The following OTOGL variants were observed in gnomAD, a reference collection of about 807,000 sequenced individuals.
OTOGL encodes otogelin-like protein.
OTOGL carries 285 observed loss-of-function variants against 318.5 expected under a neutral mutation model. The ratio of observed to expected loss-of-function variants is 0.89; its 90% CI spans 0.81 to 0.99. The LOEUF is 0.99. Ranked by LOEUF, OTOGL falls within the 50% of genes least tolerant of loss-of-function variation. OTOGL has a pLI of 0.00. For synonymous variants in OTOGL, 987 were observed against 936.5 expected, an observed-to-expected ratio of 1.05 and a Z score of -0.99; for missense variants, 2,899 against 2,845.6, an observed-to-expected ratio of 1.02 and a Z score of -0.43.
intron 1 of OTOGL, among the ~76,000 whole-genome samples, chr12:80,170,042 C>T (rs1874083562): frequency 6.6e-6 from 1 of 152,062 alleles, no homozygotes; most frequent in Non-Finnish European, 1.5e-5. Context: ...ATGAGTGGGT[C>T]ATATGGTAAG....
At chr12:80,113,267 T>C (rs1281820586) in intron 1 of OTOGL, among the ~76,000 whole-genome samples, 1 of 152,184 alleles carries the variant, frequency 6.6e-6, no homozygotes, top group Non-Finnish European at 1.5e-5. Context: ...TCTGCTCTGA[T>C]TTTAGTTATT....
At chr12:80,218,408 C>G (rs1239417138) in intron 5 of OTOGL, among the ~76,000 whole-genome samples, 1 of 152,146 alleles carries the variant, frequency 6.6e-6, no homozygotes, top group East Asian at 1.9e-4. Flanking sequence ...GGAGAGGAAT[C>G]ATAAAGGTTT....
chr12:80,242,040 A>G (rs1592594502), intron 11 of OTOGL, among the ~76,000 whole-genome samples: 1 of 152,232 alleles, frequency 6.6e-6, no homozygotes, highest in Admixed American at 6.5e-5. Flanking sequence ...ACATGGCCAC[A>G]CCTAGGTGCA....
intron 37 of OTOGL, 43 bp downstream of exon 37, chr12:80,329,162 T>G (rs770330991): frequency 1.5e-6 from 2 of 1,366,814 alleles, no homozygotes; most frequent in Non-Finnish European, 9.7e-7. Context: ...ACTATGTAGT[T>G]TAAGTGTTGG....
intron 35 of OTOGL, among the ~76,000 whole-genome samples, chr12:80,327,276 G>A (rs1887734156): frequency 6.6e-6 from 1 of 152,064 alleles, no homozygotes; most frequent in Admixed American, 6.6e-5. Flanking sequence ...CCACAACATG[G>A]CCTCTTGAAA....
At chr12:80,183,626 T>C (rs1333277853) in intron 1 of OTOGL, among the ~76,000 whole-genome samples, 1 of 152,220 alleles carries the variant, frequency 6.6e-6, no homozygotes, top group Non-Finnish European at 1.5e-5. Context: ...GACTTCATAG[T>C]CACCAACACA....
intron 1 of OTOGL, among the ~76,000 whole-genome samples, chr12:80,145,187 T>C (rs1872258498): frequency 6.6e-6 from 1 of 150,916 alleles, no homozygotes; most frequent in Non-Finnish European, 1.5e-5. Flanking sequence ...TTTATGGTTT[T>C]AGGTCTAACG....
Position 80,255,106 on chromosome 12 carries a change from G to C in OTOGL, c.1508G>C (p.Gly503Ala). 1 of 1,524,026 alleles carries C rather than the reference G, an allele frequency of 6.6e-7. No homozygotes were observed. Among genetic ancestry groups the C allele is most frequent in the Admixed American group, 2.2e-5 (1 of 44,742 alleles). 94.4% of individuals were successfully genotyped at this position (1,524,026 alleles called of 1,614,324 possible). Residue 503 changes from glycine to alanine, a missense_variant, in exon 16 of 59, where the codon GGC (glycine) becomes GCC (alanine). By Grantham distance (60) the Gly-to-Ala change is moderately conservative. Around this residue, in one of 3 missense-constraint regions of OTOGL, gnomAD observed 2,607 missense variants for 2,524.9 expected, o/e 1.03. Transcript: ENST00000547103. ...GATGGTCGACATTATTCTTTTATTG[G>C]CATGTGCCAATACATCCTCGTGAAA... ...TFDGRHYSFIGMCQYILVKGT... is the reference protein window; with the variant it reads ...TFDGRHYSFIAMCQYILVKGT...
chr12:80,259,108 TAAA>T (rs927563931), intron 18 of OTOGL, among the ~76,000 whole-genome samples: 1 of 151,384 alleles, frequency 6.6e-6, no homozygotes, highest in Non-Finnish European at 1.5e-5. Flanking sequence ...ATTTTAAAAA[TAAA>T]AAATGAATAT....
chr12:80,228,009 A>G lies in OTOGL; in HGVS notation c.490-1248A>G, dbSNP rs192039881. Reference sequence around the variant, plus strand: ...CCTCTAATAGAATACAAGTTTCATGAGGGCAGATAGTTTTGTCCGCTCTGT... The same window carrying G: ...CCTCTAATAGAATACAAGTTTCATGGGGGCAGATAGTTTTGTCCGCTCTGT... On this transcript the variant is annotated intron_variant, in intron 7 of 58. Transcript: ENST00000547103. Among the ~76,000 whole-genome samples the G allele has an allele frequency of 1.4e-3, 215 of 152,304 alleles. 2 individuals are homozygous for G. Among genetic ancestry groups the G allele is most frequent in the Non-Finnish European group, 5.9e-4 (40 of 68,034 alleles).
intron 1 of OTOGL, among the ~76,000 whole-genome samples, chr12:80,154,319 A>G (rs367674745): frequency 7.6e-4 from 116 of 151,634 alleles, no homozygotes; most frequent in Non-Finnish European, 9.6e-4. Context: ...AAAGGGGGGG[A>G]AAAAGAAAGC....
chr12:80,192,069 C>T (rs1353596713), intron 1 of OTOGL, among the ~76,000 whole-genome samples: 1 of 152,120 alleles, frequency 6.6e-6, no homozygotes, highest in African/African-American at 2.4e-5. Context: ...TGATCCTAAC[C>T]ACTGTTGTTG....
chr12:80,211,270 CA>C (rs1229965884), intron 3 of OTOGL, among the ~76,000 whole-genome samples: 1 of 151,612 alleles, frequency 6.6e-6, no homozygotes, highest in African/African-American at 2.4e-5. Flanking sequence ...TCATTTTTAG[CA>C]GAGTAACATT....
intron 43 of OTOGL, 88 bp from the exon 44 acceptor site, chr12:80,341,860 C>G: frequency 1.1e-6 from 1 of 870,784 alleles, no homozygotes; most frequent in South Asian, 1.8e-5. Flanking sequence ...ATCATTTGTT[C>G]ATTTAAAATC....
intron 1 of OTOGL, among the ~76,000 whole-genome samples, chr12:80,152,571 T>G (rs1414089359): frequency 6.6e-6 from 1 of 152,228 alleles, no homozygotes; most frequent in Non-Finnish European, 1.5e-5. Context: ...AGTCTATGGA[T>G]GTAAGGTAAT....
intron 14 of OTOGL, 55 bp from the exon 15 acceptor site, chr12:80,254,469 A>G (rs1881846939): frequency 1.4e-6 from 2 of 1,413,512 alleles, no homozygotes; most frequent in Non-Finnish European, 2.0e-6. Context: ...ATTGATGCAA[A>G]CATTAATACA....
Position 80,229,374 on chromosome 12 carries a change from A to G in OTOGL, c.607A>G (p.Ile203Val), listed in dbSNP as rs1565913743. 6.3e-7 allele frequency: 1 copy of G among 1,594,476 alleles called. No individual in the cohort carries two copies. The highest frequency in any genetic ancestry group is 2.2e-5 in the East Asian group (1 of 44,820). The change falls in exon 8 of 59, where the codon ATC becomes GTC. Residue 203 changes from isoleucine to valine, a missense_variant. Coordinates refer to ENST00000547103, the MANE Select transcript of OTOGL (RefSeq NM_001378609.3). ...TGGTCATGAAATAAAAAAGAATGGAATCAGGTAGGATATGGGAAACAGTGA... is the reference window on the plus strand; with the variant it reads ...TGGTCATGAAATAAAAAAGAATGGAGTCAGGTAGGATATGGGAAACAGTGA... ...IYGHEIKKNG[I>V]SLTLPQTIGQ...
At chr12:80,249,431 G>C (rs569520312) in intron 11 of OTOGL, among the ~76,000 whole-genome samples, 14 of 151,366 alleles carry the variant, frequency 9.2e-5, no homozygotes, top group African/African-American at 3.2e-4. Context: ...GCCGTGTGAG[G>C]TGTCAGTGTG....
chr12:80,287,449 C>A (rs759175330), intron 26 of OTOGL, among the ~76,000 whole-genome samples: 2 of 149,960 alleles, frequency 1.3e-5, no homozygotes, highest in Non-Finnish European at 2.9e-5. Context: ...TCCTGAATAT[C>A]CTTGTTAATT....
Sources: allele counts gnomAD v4.1 joint callset (sites outside exome capture counted in the v4.1 genomes callset), GRCh38; gene constraint gnomAD v4.1.1; regional missense constraint gnomAD v4.1.1; transcripts MANE v1.5; gene names NCBI Gene and HGNC (gene_info 2026-07-23, HGNC 2026-07-21).